The following SMARCA4 variants were observed in gnomAD, a reference collection of about 807,000 sequenced individuals.
The protein encoded by SMARCA4 is SWI/SNF-related matrix-associated actin-dependent regulator of chromatin subfamily A member 4.
Under a neutral mutation model 193.9 loss-of-function variants are expected in SMARCA4, and 31 were observed. That is an observed-to-expected ratio of 0.16 (90% CI 0.12 to 0.22). The LOEUF (loss-of-function observed/expected upper bound fraction) is 0.22. SMARCA4 is among the 10% of genes least tolerant of loss of function. SMARCA4 has a pLI of 1.00. For missense variants in SMARCA4, 1,148 were observed against 2,296.0 expected, an observed-to-expected ratio of 0.50 and a Z score of 10.22; for synonymous variants, 942 against 933.1, an observed-to-expected ratio of 1.01 and a Z score of -0.17.
At chr19:11,015,355 C>T (rs997995275) in intron 16 of SMARCA4, among the ~76,000 whole-genome samples, 2 of 152,212 alleles carry the variant, frequency 1.3e-5, no homozygotes, top group African/African-American at 2.4e-5. Context: ...GGCAGTTCCT[C>T]ATTTCGTCTT....
rs374722116 is a variant in SMARCA4 at position 11,041,391 on chromosome 19, G to A, written c.4255G>A (p.Ala1419Thr). Reference sequence around the variant, plus strand: ...ACGGAAGCGCAAGCGAGACAGCGACGCCGGCTCCTCCACCCCGACCACCAG... The same window carrying A: ...ACGGAAGCGCAAGCGAGACAGCGACACCGGCTCCTCCACCCCGACCACCAG... The part of the protein sequence containing the change: ...SSRKRKRDSD[A>T]GSSTPTTSTR... Residue 1419 changes from alanine to threonine, a missense_variant, in exon 30 of 35, where the codon GCC (alanine) becomes ACC (threonine). By Grantham distance (58) the Ala-to-Thr change is moderately conservative. Coordinates refer to ENST00000344626, the MANE Select transcript of SMARCA4 (RefSeq NM_003072.5). The surrounding 1 kb of genome is among the most constrained non-coding windows in gnomAD (Gnocchi z 5.6). 90 of 1,612,404 alleles carry A rather than the reference G, an allele frequency of 5.6e-5. No individual in the cohort carries two copies. Among genetic ancestry groups the A allele is most frequent in the Non-Finnish European group, 7.2e-5 (85 of 1,179,980 alleles).
intron 30 of SMARCA4, among the ~76,000 whole-genome samples, chr19:11,053,377 G>A (rs188693567): frequency 5.3e-5 from 8 of 151,662 alleles, no homozygotes; most frequent in South Asian, 4.2e-4. Context: ...CCAGCTACTC[G>A]GGAGGCGGAG....
chr19:11,016,466 C>T (rs2089373950), intron 16 of SMARCA4, among the ~76,000 whole-genome samples: 1 of 152,202 alleles, frequency 6.6e-6, no homozygotes, highest in East Asian at 1.9e-4. Context: ...TCTGTCCGCT[C>T]TTCTCTACAA....
intron 1 of SMARCA4, among the ~76,000 whole-genome samples, chr19:10,978,456 C>T (rs2085309236): frequency 6.6e-6 from 1 of 152,086 alleles, no homozygotes; most frequent in African/African-American, 2.4e-5. Context: ...GCCTCAGCCT[C>T]CTAAGTAGCT....
intron 30 of SMARCA4, among the ~76,000 whole-genome samples, chr19:11,042,023 A>G (rs2075647258): frequency 6.6e-6 from 1 of 152,164 alleles, no homozygotes; most frequent in Non-Finnish European, 1.5e-5. Context: ...TCTGGAGCAG[A>G]GAAAGTGGCA....
chr19:11,061,204 A>AAAAAATATATATATATATATATATAT (rs1555797070), intron 34 of SMARCA4, among the ~76,000 whole-genome samples: 1 of 45,226 alleles, frequency 2.2e-5, no homozygotes, highest in Non-Finnish European at 3.8e-5. Context: ...AAAAAAAAAA[A>AAAAAATATATATATATATATATATAT]ATATATATAT....
rs1033333547 is a variant in SMARCA4 at position 10,984,993 on chromosome 19, C to T, written c.223-280C>T. 6.6e-6 allele frequency among the ~76,000 whole-genome samples: 1 copy of T among 152,174 alleles called. No homozygotes were observed. The highest frequency in any genetic ancestry group is 1.5e-5 in the Non-Finnish European group (1 of 68,036). On this transcript the variant is annotated intron_variant, in intron 2 of 34. Transcript: ENST00000344626. The surrounding 1 kb of genome is among the most constrained non-coding windows in gnomAD (Gnocchi z 4.3). The stretch of plus-strand genomic sequence containing the variant: ...GAAAAGGTGACATTTCTAAGTGTCA[C>T]GGGCCACAGGAGGTCCCGGGTGGTA...
intron 1 of SMARCA4, among the ~76,000 whole-genome samples, chr19:10,981,604 G>A (rs1345257312): frequency 6.6e-6 from 1 of 152,212 alleles, no homozygotes; most frequent in African/African-American, 2.4e-5. Context: ...CCCCTGCTGA[G>A]TTTCCTGGTC....
At chr19:11,003,722 T>C (rs1187855886) in intron 13 of SMARCA4, among the ~76,000 whole-genome samples, 1 of 151,908 alleles carries the variant, frequency 6.6e-6, no homozygotes, top group African/African-American at 2.4e-5. Context: ...TTTTTTTTTT[T>C]TTTTTTTGAA....
chr19:10,988,001 C>T (rs2145826411), intron 6 of SMARCA4, 77 bp downstream of exon 6: 2 of 1,485,602 alleles, frequency 1.3e-6, no homozygotes, highest in African/African-American at 1.4e-5. Flanking sequence ...TCAACTTTCT[C>T]CCCCACTCTA....
rs141826721 is a variant in SMARCA4 at position 11,059,882 on chromosome 19, G to A, written c.4765G>A (p.Glu1589Lys). Residue 1589 changes from glutamate (E) to lysine (K), a missense_variant, in exon 33 of 35, where the codon GAA becomes AAA. Glu to Lys is a moderately conservative substitution (Grantham distance 56). This residue lies in a region of SMARCA4 where 105 missense variants were observed against 133.7 expected (regional missense o/e 0.79). Transcript: ENST00000344626. ...EEGEEEGSES[E>K]SRSVKVKIKL... ...GGGCGAGGAGGAAGGCTCCGAATCC[G>A]AATGTGAGTCCCGGGGGGGTTCAGG... 5 of 1,613,870 alleles carry A rather than the reference G, an allele frequency of 3.1e-6. No individual in the cohort carries two copies. Among genetic ancestry groups the A allele is most frequent in the East Asian group, 2.2e-5 (1 of 44,884 alleles).
At chr19:11,001,347 C>G in intron 11 of SMARCA4, among the ~76,000 whole-genome samples, 1 of 152,166 alleles carries the variant, frequency 6.6e-6, no homozygotes, top group Non-Finnish European at 1.5e-5. Flanking sequence ...TGTGCACTTG[C>G]GGTCCCAGCT....
At chr19:11,037,399 C>T (rs1257633389) in intron 29 of SMARCA4, among the ~76,000 whole-genome samples, 1 of 152,220 alleles carries the variant, frequency 6.6e-6, no homozygotes, top group African/African-American at 2.4e-5. Flanking sequence ...TTGCATTTCC[C>T]TGATGGCTAA....
chr19:11,039,627 G>A, intron 29 of SMARCA4: 2 of 739,738 alleles, frequency 2.7e-6, no homozygotes, highest in Admixed American at 7.5e-5. Flanking sequence ...CCCCTGAACT[G>A]TGTACTAAAA....
intron 11 of SMARCA4, among the ~76,000 whole-genome samples, chr19:10,999,259 G>T (rs1449270969): frequency 6.6e-6 from 1 of 152,160 alleles, no homozygotes; most frequent in Non-Finnish European, 1.5e-5. Context: ...GACTTTGGGG[G>T]TGCTTCCTGC....
At chr19:11,010,255 G>T in intron 14 of SMARCA4, 126 bp from the exon 15 acceptor site, 1 of 1,090,332 alleles carries the variant, frequency 9.2e-7, no homozygotes, top group Non-Finnish European at 1.4e-6. Flanking sequence ...ACCTCTATGT[G>T]TCTTACAGTG....
chr19:10,983,672 G>T (rs376664516), intron 1 of SMARCA4: 7 of 180,864 alleles, frequency 3.9e-5, no homozygotes, highest in Non-Finnish European at 5.9e-5. Context: ...GACCTCAAAT[G>T]ATCTGCCCGC....
At chr19:11,029,079 C>T (rs1377939335) in intron 24 of SMARCA4, among the ~76,000 whole-genome samples, 1 of 152,226 alleles carries the variant, frequency 6.6e-6, no homozygotes, top group African/African-American at 2.4e-5. Flanking sequence ...CAGGACCACT[C>T]TACAGACACG....
intron 18 of SMARCA4, among the ~76,000 whole-genome samples, chr19:11,020,014 TCCC>T (rs1221547109): frequency 6.6e-6 from 1 of 152,080 alleles, no homozygotes; most frequent in East Asian, 1.9e-4. Flanking sequence ...GCCTACAGAG[TCCC>T]CATGGGGCCT....
Sources: gnomAD v4.1 joint callset for allele counts (sites outside exome capture counted in the v4.1 genomes callset) on GRCh38, gnomAD v4.1.1 for gene constraint, gnomAD v4.1.1 regional missense constraint, Gnocchi (gnomAD v3.1) non-coding constraint, MANE v1.5 for transcripts, NCBI Gene and HGNC (gene_info 2026-07-23, HGNC 2026-07-21) for gene names.